The following ACOT11 variants were observed in gnomAD, a reference collection of about 807,000 sequenced individuals.
The protein encoded by ACOT11 is acyl-coenzyme A thioesterase 11.
In ACOT11, 69 loss-of-function variants were observed where a neutral mutation model predicts 77.5. That is an observed-to-expected ratio of 0.89 (90% confidence interval 0.73 to 1.09). The LOEUF is 1.09. Among genes scored for constraint, ACOT11 ranks in the 50% least tolerant of loss-of-function variants. The pLI, the probability that ACOT11 is intolerant of heterozygous loss-of-function variation, is 0.00. For missense variants in ACOT11, 766 were observed against 813.7 expected (o/e 0.94, Z 0.71); for synonymous variants, 279 against 313.0 (o/e 0.89, Z 1.15).
intron 15 of ACOT11, chr1:54,616,260 C>A: frequency 2.5e-6 from 3 of 1,181,290 alleles, no homozygotes; most frequent in Non-Finnish European, 3.6e-6. Flanking sequence ...AATTACAGAA[C>A]ATTTGAGAAA....
intron 12 of ACOT11, 73 bp from the exon 13 acceptor site, chr1:54,605,003 A>G: frequency 1.3e-6 from 2 of 1,502,970 alleles, no homozygotes; most frequent in Non-Finnish European, 9.0e-7. Flanking sequence ...CTGAGCTTCC[A>G]GTCTCAGCCT....
Position 54,599,318 on chromosome 1 carries a change from A to T in ACOT11, c.787A>T (p.Thr263Ser). The change falls in exon 8 of 16, where the codon ACG becomes TCG. Residue 263 changes from threonine to serine, a missense_variant. Coordinates refer to ENST00000343744, the MANE Select transcript of ACOT11 (RefSeq NM_147161.4). ...CAGCCGGCTCTGCCGTGCCCACCCT[A>T]CGCTGAAGGCCATTGAAATGTTCCA... is the stretch of plus-strand genomic sequence containing the variant. ...AASRLCRAHPTLKAIEMFHFR... is the reference protein window; with the variant it reads ...AASRLCRAHPSLKAIEMFHFR... 9 of 1,600,334 alleles carry T rather than the reference A, an allele frequency of 5.6e-6. No individual in the cohort carries two copies. The highest frequency in any genetic ancestry group is 6.8e-6 in the Non-Finnish European group (8 of 1,174,720).
chr1:54,554,290 A>AGTGTGTGTGTGTGTGTGT (rs67577349), intron 1 of ACOT11, among the ~76,000 whole-genome samples: 2 of 108,428 alleles, frequency 1.8e-5, no homozygotes, highest in African/African-American at 3.6e-5. Context: ...AGTATTCCAT[A>AGTGTGTGTGTGTGTGTGT]GTGTGTGTGT....
intron 1 of ACOT11, among the ~76,000 whole-genome samples, chr1:54,581,820 T>C (rs571660587): frequency 4.1e-4 from 62 of 152,282 alleles, no homozygotes; most frequent in African/African-American, 1.4e-3. Context: ...TGGAGCCCCA[T>C]TGGCCAAAAC....
chr1:54,597,640 C>T lies in ACOT11; in HGVS notation c.764+225C>T, dbSNP rs933141520. The stretch of plus-strand genomic sequence containing the variant: ...AAACACCAGGTCTCTTGGCCTGGCA[C>T]TAGATCCTCCCCTTGATCTGGCCCT... On this transcript the variant is annotated intron_variant, in intron 7 of 15. Transcript: ENST00000343744. 4 of 589,864 alleles carry T rather than the reference C, an allele frequency of 6.8e-6. No individual in the cohort carries two copies. The Admixed American group carries it at 9.5e-5, about 14-fold the overall frequency. 36.5% of individuals were successfully genotyped at this position (589,864 alleles called of 1,614,324 possible).
chr1:54,585,989 C>T (rs1654484793), intron 3 of ACOT11, 85 bp downstream of exon 3: 2 of 1,431,014 alleles, frequency 1.4e-6, no homozygotes, highest in Non-Finnish European at 1.9e-6. Context: ...GCCTGGTCAG[C>T]GTCTGTGCTG....
chr1:54,603,989 C>A, intron 11 of ACOT11, 52 bp downstream of exon 11: 1 of 1,547,826 alleles, frequency 6.5e-7, no homozygotes, highest in Non-Finnish European at 8.9e-7. Flanking sequence ...GGGCCCCCAC[C>A]CTTCCCTGCT....
chr1:54,610,816 C>T (rs1020908611), downstream of ACOT11: 25 of 985,254 alleles, frequency 2.5e-5, no homozygotes, highest in South Asian at 1.9e-4. Flanking sequence ...CCTTCCCGCT[C>T]GCTTAGGTGG....
chr1:54,593,584 G>A (rs934865621), intron 4 of ACOT11, among the ~76,000 whole-genome samples: 1 of 150,370 alleles, frequency 6.7e-6, no homozygotes, highest in Admixed American at 6.7e-5. Context: ...ACAGGCCATT[G>A]AGCCTGGCCT....
At chr1:54,626,052 G>A (rs539333220) in intron 15 of ACOT11, among the ~76,000 whole-genome samples, 77 of 151,512 alleles carry the variant, frequency 5.1e-4, no homozygotes, top group African/African-American at 1.8e-3. Flanking sequence ...CTTGAGGTCA[G>A]GAGTTTATGA....
chr1:54,585,824 G>T lies in ACOT11; in HGVS notation c.242-11G>T. On this transcript the variant is annotated splice_polypyrimidine_tract_variant and intron_variant, in intron 2 of 15. Coordinates refer to ENST00000343744, the MANE Select transcript of ACOT11 (RefSeq NM_147161.4). ...GGCTGCTAATGTCTGGCTTTCTTCTGCTGACACCAGCGGAGAGGCACGCTG... is the reference window on the plus strand; with the variant it reads ...GGCTGCTAATGTCTGGCTTTCTTCTTCTGACACCAGCGGAGAGGCACGCTG... 5 of 1,613,908 alleles carry T rather than the reference G, an allele frequency of 3.1e-6. No homozygotes were observed. Among genetic ancestry groups the T allele is most frequent in the Non-Finnish European group, 4.2e-6 (5 of 1,179,916 alleles).
At chr1:54,557,810 C>T (rs1450524272) in intron 1 of ACOT11, among the ~76,000 whole-genome samples, 1 of 152,158 alleles carries the variant, frequency 6.6e-6, no homozygotes, top group African/African-American at 2.4e-5. Context: ...AGGATTATGA[C>T]ATCTGCAAAC....
intron 16 of ACOT11, among the ~76,000 whole-genome samples, chr1:54,631,447 G>C (rs1225542268): frequency 6.6e-6 from 1 of 152,158 alleles, no homozygotes; most frequent in African/African-American, 2.4e-5. Context: ...GATTCCTACT[G>C]ACTGGGACGC....
chr1:54,574,016 C>T (rs147788023), intron 1 of ACOT11, among the ~76,000 whole-genome samples: 5,249 of 142,358 alleles, frequency 0.037, 305 homozygotes, highest in African/African-American at 0.13. Flanking sequence ...GCAACAAGAG[C>T]GAAACTCCAT....
chr1:54,592,821 G>C (rs1199090540), intron 4 of ACOT11, among the ~76,000 whole-genome samples: 2 of 152,228 alleles, frequency 1.3e-5, no homozygotes, highest in Admixed American at 1.3e-4. Flanking sequence ...CCCAGGAGGG[G>C]AAGGGACTTG....
chr1:54,608,930 C>G lies in ACOT11; in HGVS notation c.1630-27C>G, dbSNP rs570241747. Reference sequence around the variant, plus strand: ...CCAGGACCCTCCCCTAGCTTGGTCCCCCTGAGCTTGGCTTCCCACCCTGCA... The same window carrying G: ...CCAGGACCCTCCCCTAGCTTGGTCCGCCTGAGCTTGGCTTCCCACCCTGCA... On this transcript the variant is annotated intron_variant, in intron 15 of 15. Coordinates refer to ENST00000343744, the MANE Select transcript of ACOT11 (RefSeq NM_147161.4). The G allele has an allele frequency of 1.1e-4, 178 of 1,612,036 alleles. No individual in the cohort carries two copies. The South Asian group carries it at 1.9e-3, about 17-fold the overall frequency.
intron 1 of ACOT11, among the ~76,000 whole-genome samples, chr1:54,557,752 A>ACTGAAT (rs1190883198): frequency 6.6e-6 from 1 of 152,158 alleles, no homozygotes; most frequent in African/African-American, 2.4e-5. Context: ...TACTGAATTT[A>ACTGAAT]TTATTCCTAC....
intron 3 of ACOT11, among the ~76,000 whole-genome samples, chr1:54,587,509 A>C (rs1448726923): frequency 7.1e-6 from 1 of 140,544 alleles, no homozygotes; most frequent in African/African-American, 2.6e-5. Flanking sequence ...CAAGAGAGCG[A>C]GCCTCCATCT....
rs753328903 is a variant in ACOT11, at chr1:54,607,254, T to G, written c.1491T>G (p.Pro497=). The stretch of plus-strand genomic sequence containing the variant: ...TGATCCTGGCCTCGAGGCGGAAGCC[T>G]TGTGACAATGGGTGTGTGCCTATCT... ...DFVILASRRK[P]CDNGDPYVIA... The change falls in exon 14 of 16, where the codon CCT becomes CCG. Residue 497 remains proline, a synonymous_variant. Coordinates refer to ENST00000343744, the MANE Select transcript of ACOT11 (RefSeq NM_147161.4). This position sits in a 1 kb window ranked among gnomAD's most constrained non-coding sequence, Gnocchi z 4.5. 3.7e-6 allele frequency: 6 copies of G among 1,614,086 alleles called. No individual in the cohort carries two copies. The highest frequency in any genetic ancestry group is 5.1e-6 in the Non-Finnish European group (6 of 1,179,982).
Sources: allele counts gnomAD v4.1 joint callset (sites outside exome capture counted in the v4.1 genomes callset), GRCh38; gene constraint gnomAD v4.1.1; non-coding constraint Gnocchi (gnomAD v3.1); transcripts MANE v1.5; gene names NCBI Gene and HGNC (gene_info 2026-07-23, HGNC 2026-07-21).